Variants in CUL4A observed in about 807,000 individuals in gnomAD.
CUL4A encodes cullin 4A, also known as cullin-4A.
Under a neutral mutation model 95.5 loss-of-function variants are expected in CUL4A, and 16 were observed. The observed-to-expected ratio is 0.17, with a 90% CI of 0.11 to 0.25. The LOEUF (loss-of-function observed/expected upper bound fraction) is 0.25, where lower values mean the gene tolerates loss of function less well. Among genes scored for constraint, CUL4A ranks in the 10% least tolerant of loss-of-function variants. CUL4A has a pLI of 1.00. For synonymous variants in CUL4A, 380 were observed against 353.1 expected (o/e 1.08, Z -0.85); for missense variants, 610 against 937.0 (o/e 0.65, Z 4.56).
chr13:113,228,551 C>G (rs2041191686), intron 4 of CUL4A, among the ~76,000 whole-genome samples: 1 of 152,002 alleles, frequency 6.6e-6, no homozygotes, highest in Non-Finnish European at 1.5e-5. Flanking sequence ...GGGTGTATTT[C>G]TTTTCTGGGC....
At chr13:113,250,567 T>TA (rs2041968564) in intron 15 of CUL4A, among the ~76,000 whole-genome samples, 1 of 152,320 alleles carries the variant, frequency 6.6e-6, no homozygotes, top group South Asian at 2.1e-4. Context: ...AGCTAGCACA[T>TA]AGTACCCAAA....
At chr13:113,260,325 C>T (rs536794416) in intron 18 of CUL4A, among the ~76,000 whole-genome samples, 20 of 150,686 alleles carry the variant, frequency 1.3e-4, no homozygotes, top group African/African-American at 3.9e-4. Flanking sequence ...CCAAGGTGGG[C>T]GGATCATCTG....
chr13:113,258,074 C>CATA (rs772544304), intron 18 of CUL4A, among the ~76,000 whole-genome samples: 2 of 152,022 alleles, frequency 1.3e-5, no homozygotes, highest in Non-Finnish European at 2.9e-5. Context: ...GTGGTGTGAT[C>CATA]ATAGCTCACT....
intron 5 of CUL4A, chr13:113,229,764 G>A (rs1387832656): frequency 7.7e-6 from 4 of 519,720 alleles, no homozygotes; most frequent in African/African-American, 5.8e-5. Flanking sequence ...GGTCATGAGG[G>A]TGAAGACAGA....
chr13:113,213,950 A>T (rs559858147), intron 2 of CUL4A, among the ~76,000 whole-genome samples: 2 of 152,362 alleles, frequency 1.3e-5, no homozygotes, highest in South Asian at 4.1e-4. Context: ...AGCAAATGGG[A>T]TAGAAATCTA....
chr13:113,233,808 G>T (rs1380649019), intron 6 of CUL4A, 89 bp from the exon 7 acceptor site: 3 of 839,566 alleles, frequency 3.6e-6, no homozygotes, highest in Non-Finnish European at 4.1e-6. Flanking sequence ...GGTCATGGCA[G>T]CCTGCCCCGT....
chr13:113,260,989 G>A (rs3814260), intron 19 of CUL4A, among the ~76,000 whole-genome samples: 22,638 of 152,108 alleles, frequency 0.15, 2,447 homozygotes, highest in East Asian at 0.35. Flanking sequence ...GATGGTGCGC[G>A]CTTGTTCATA....
upstream of CUL4A, chr13:113,208,565 C>A (rs981731587): frequency 3.1e-6 from 5 of 1,603,624 alleles, no homozygotes; most frequent in African/African-American, 2.7e-5. Flanking sequence ...CGAGGGCCAA[C>A]CACGCCGCCG....
At chr13:113,208,907 C>G, upstream of CUL4A, 1 of 1,378,700 alleles carries the variant, frequency 7.3e-7, no homozygotes, top group Non-Finnish European at 9.3e-7. Flanking sequence ...GTTTGGGGTC[C>G]AGTGGCGAGG....
At chr13:113,214,261 A>G (rs565421819) in intron 2 of CUL4A, among the ~76,000 whole-genome samples, 65 of 152,118 alleles carry the variant, frequency 4.3e-4, no homozygotes, top group African/African-American at 1.3e-3. Context: ...TTCCTCCTGT[A>G]GTGTGTAGAG....
In CUL4A at chr13:113,232,967, C is replaced by T. The variant is rs2287245; in HGVS notation, c.513-210C>T. On this transcript the variant is annotated intron_variant, in intron 5 of 19. Transcript: ENST00000375440. ...CATGACCTAGCAGCGTCTCCAGGAA[C>T]GTGGAGCAGCTCTGTTTAAGGAAGG... 0.015 allele frequency among the ~76,000 whole-genome samples: 2,335 copies of T among 152,204 alleles called. 161 individuals are homozygous for T. The East Asian group carries it at 0.2, about 13-fold the overall frequency.
At chr13:113,208,622 T>A, upstream of CUL4A, 1 of 1,607,002 alleles carries the variant, frequency 6.2e-7, no homozygotes, top group Non-Finnish European at 8.5e-7. Flanking sequence ...TGGTTAATGG[T>A]AATGTGCGCC....
upstream of CUL4A, chr13:113,208,943 C>T (rs2040193047): frequency 7.6e-7 from 1 of 1,310,516 alleles, no homozygotes; most frequent in Non-Finnish European, 9.7e-7. Flanking sequence ...AACTGCCTTT[C>T]ACTGCGCTGA....
intron 15 of CUL4A, among the ~76,000 whole-genome samples, chr13:113,250,350 G>A (rs1449918888): frequency 1.3e-5 from 2 of 152,196 alleles, no homozygotes; most frequent in East Asian, 3.8e-4. Context: ...CACTCAGGAG[G>A]TTGAGGTGGC....
In CUL4A at chr13:113,239,430, C is replaced by T; in HGVS notation, c.917-3C>T. The T allele has an allele frequency of 6.2e-7, 1 of 1,613,376 alleles. No individual in the cohort carries two copies. The highest frequency in any genetic ancestry group is 1.7e-4 in the Middle Eastern group (1 of 6,056). On this transcript the variant is annotated splice_region_variant and splice_polypyrimidine_tract_variant and intron_variant, in intron 9 of 19. Coordinates refer to ENST00000375440, the MANE Select transcript of CUL4A (RefSeq NM_001008895.4). ...CTCTGCTGACGTGTACTGCACATCT[C>T]AGGGCTCGACCACTTACTGGATGAG...
At chr13:113,218,474 A>T (rs1033662963) in intron 2 of CUL4A, among the ~76,000 whole-genome samples, 2 of 152,136 alleles carry the variant, frequency 1.3e-5, no homozygotes, top group Non-Finnish European at 2.9e-5. Context: ...GTGGTCACTG[A>T]GGGAAAAGAT....
At chr13:113,208,206 C>T, upstream of CUL4A, 2 of 1,543,476 alleles carry the variant, frequency 1.3e-6, no homozygotes, top group Non-Finnish European at 1.7e-6. Context: ...CATCCCGCAT[C>T]CTGCTGGGAA....
In CUL4A at chr13:113,254,956, A is replaced by G. The variant is rs770735786; in HGVS notation, c.1862A>G (p.Asp621Gly). 6.2e-7 allele frequency: 1 copy of G among 1,610,670 alleles called. No homozygotes were observed. The highest frequency in any genetic ancestry group is 2.2e-5 in the East Asian group (1 of 44,832). The change falls in exon 18 of 20, where the codon GAT becomes GGT. Residue 621 changes from aspartate (D) to glycine (G), a missense_variant. Physicochemically the swap from Asp to Gly is moderately conservative, Grantham distance 94. Transcript: ENST00000375440. ...CCTGCATTTGCTTCCCATTCAGAGG[A>G]TAGTGAATTGCGCAGAACGCTGCAG... ...EEIKMATGIE[D>G]SELRRTLQSL...
chr13:113,237,012 A>AG, intron 9 of CUL4A, 122 bp downstream of exon 9: 1 of 668,286 alleles, frequency 1.5e-6, no homozygotes, highest in Non-Finnish European at 2.5e-6. Flanking sequence ...GACAGTCATT[A>AG]AAAATCTTTT....
Sources: allele counts gnomAD v4.1 joint callset (sites outside exome capture counted in the v4.1 genomes callset), GRCh38; gene constraint gnomAD v4.1.1; transcripts MANE v1.5; gene names NCBI Gene and HGNC (gene_info 2026-07-23, HGNC 2026-07-21).